MYO6: variants seen among roughly 807,000 people sequenced by gnomAD.
MYO6 encodes myosin VI.
Under a neutral mutation model 178.7 loss-of-function variants are expected in MYO6, and 74 were observed. The ratio of observed to expected loss-of-function variants is 0.41; its 90% CI spans 0.34 to 0.50. The LOEUF is 0.50. MYO6 is among the 20% of genes least tolerant of loss of function. The pLI is 0.09. For synonymous variants in MYO6, 477 were observed against 504.6 expected (o/e 0.95, Z 0.73); for missense variants, 1,330 against 1,547.4 (o/e 0.86, Z 2.36).
At chr6:75,759,258 T>C (rs1777744355) in intron 1 of MYO6, among the ~76,000 whole-genome samples, 1 of 152,170 alleles carries the variant, frequency 6.6e-6, no homozygotes, top group African/African-American at 2.4e-5. Context: ...ATAATCAGAC[T>C]TGGCATTGTT....
intron 22 of MYO6, 122 bp from the exon 23 acceptor site, chr6:75,881,567 A>C (rs536408347): frequency 1.0e-6 from 1 of 956,532 alleles, no homozygotes; most frequent in Admixed American, 2.0e-5. Context: ...AGGCCTATGT[A>C]ATTGACATGT....
At chr6:75,777,075 C>T (rs950681339) in intron 1 of MYO6, among the ~76,000 whole-genome samples, 3 of 151,992 alleles carry the variant, frequency 2.0e-5, no homozygotes, top group Non-Finnish European at 4.4e-5. Flanking sequence ...TTGGTGTGTA[C>T]TAAGAAATAC....
At chr6:75,754,952 G>C (rs1268810406) in intron 1 of MYO6, among the ~76,000 whole-genome samples, 1 of 152,172 alleles carries the variant, frequency 6.6e-6, no homozygotes, top group Non-Finnish European at 1.5e-5. Flanking sequence ...AATACTGGCT[G>C]CATGTGGTGG....
In MYO6 at chr6:75,914,026, G is replaced by A. The variant is rs757275526; in HGVS notation, c.3440-37G>A. On this transcript the variant is annotated intron_variant, in intron 33 of 34. Transcript: ENST00000369977. Reference sequence around the variant, plus strand: ...ATTAAAGGCTCTTTTCTTTTCCCTTGAGCTGCTGGTATAACTTTCCTTGTT... The same window carrying A: ...ATTAAAGGCTCTTTTCTTTTCCCTTAAGCTGCTGGTATAACTTTCCTTGTT... The A allele has an allele frequency of 5.0e-6, 8 of 1,599,618 alleles. No individual in the cohort carries two copies. The South Asian group carries it at 8.8e-5, about 18-fold the overall frequency.
intron 24 of MYO6, 37 bp downstream of exon 24, chr6:75,886,131 C>G: frequency 7.3e-7 from 1 of 1,360,810 alleles, no homozygotes; most frequent in Non-Finnish European, 1.0e-6. Flanking sequence ...CTCTACAAAA[C>G]CTAGTTACTG....
chr6:75,905,437 C>T lies in MYO6; in HGVS notation c.3177-2168C>T, dbSNP rs117397585. Among the ~76,000 whole-genome samples the T allele has an allele frequency of 0.013, 1,992 of 152,326 alleles. 75 individuals carry two copies. In the East Asian group the frequency reaches 0.14, roughly 11 times the overall value. On this transcript the variant is annotated intron_variant, in intron 30 of 34. Transcript: ENST00000369977. ...TCTCCTGGTGCGCCATTTTTTTAAG[C>T]CCGTCGGAAAAGCGCAGTATTCGGG...
intron 1 of MYO6, among the ~76,000 whole-genome samples, chr6:75,805,380 G>A (rs1035279916): frequency 5.3e-5 from 8 of 152,114 alleles, no homozygotes; most frequent in Admixed American, 2.6e-4. Context: ...CATGTTTTGT[G>A]ATATGAATCT....
In MYO6 at chr6:75,914,145, A is replaced by G; in HGVS notation, c.3522A>G (p.Pro1174=). 1.4e-5 allele frequency: 22 copies of G among 1,614,136 alleles called. No individual in the cohort carries two copies. The highest frequency in any genetic ancestry group is 1.9e-5 in the Non-Finnish European group (22 of 1,180,022). The change falls in exon 34 of 35, where the codon CCA becomes CCG. Residue 1174 remains proline, a synonymous_variant. Transcript: ENST00000369977. ...MNRQQRFFRI[P]FIRPADQYKD... ...GACAGCAACGCTTCTTCCGCATCCC[A>G]TTCATCCGCCCTGCCGACCAGTACA...
intron 28 of MYO6, chr6:75,894,857 A>C (rs753730252): frequency 5.6e-6 from 8 of 1,436,318 alleles, no homozygotes; most frequent in Non-Finnish European, 7.6e-6. Context: ...ATTGTTTTCT[A>C]TGTATGTCAT....
intron 30 of MYO6, among the ~76,000 whole-genome samples, 170 bp downstream of exon 30, chr6:75,898,581 A>G (rs1414323693): frequency 6.6e-5 from 10 of 152,156 alleles, no homozygotes; most frequent in Non-Finnish European, 1.3e-4. Flanking sequence ...CCACCCAACA[A>G]AGAAAAAGTT....
intron 1 of MYO6, among the ~76,000 whole-genome samples, chr6:75,785,031 T>C (rs977282913): frequency 1.3e-5 from 2 of 152,226 alleles, no homozygotes; most frequent in African/African-American, 4.8e-5. Flanking sequence ...TATAGTGTTT[T>C]TAATTAAGTA....
intron 25 of MYO6, among the ~76,000 whole-genome samples, chr6:75,887,910 C>T (rs1156528256): frequency 7.3e-5 from 11 of 151,424 alleles, no homozygotes; most frequent in African/African-American, 2.2e-4. Flanking sequence ...ACCGGGGGGG[C>T]GGAGCTTGCA....
intron 1 of MYO6, among the ~76,000 whole-genome samples, chr6:75,756,466 G>A (rs1025156800): frequency 1.3e-5 from 2 of 152,060 alleles, no homozygotes; most frequent in African/African-American, 2.4e-5. Context: ...CTGAGTAGCC[G>A]GGATTACAGG....
At chr6:75,778,596 CAA>C (rs760998259) in intron 1 of MYO6, among the ~76,000 whole-genome samples, 3 of 110,652 alleles carry the variant, frequency 2.7e-5, no homozygotes, top group Non-Finnish European at 3.8e-5. Flanking sequence ...GACTCCGTCT[CAA>C]AAAAAAAAAA....
chr6:75,766,032 A>T (rs142788446), intron 1 of MYO6, among the ~76,000 whole-genome samples: 3 of 152,204 alleles, frequency 2.0e-5, no homozygotes, highest in Middle Eastern at 3.4e-3. Context: ...CGTCTCAAAG[A>T]AAAAAGCAGG....
intron 1 of MYO6, among the ~76,000 whole-genome samples, chr6:75,764,559 T>G (rs1445555837): frequency 6.6e-6 from 1 of 152,170 alleles, no homozygotes; most frequent in Non-Finnish European, 1.5e-5. Context: ...CTACCTAGAT[T>G]GTGAATTACT....
intron 11 of MYO6, among the ~76,000 whole-genome samples, chr6:75,852,722 A>G (rs1775390701): frequency 6.6e-6 from 1 of 152,242 alleles, no homozygotes; most frequent in Admixed American, 6.5e-5. Context: ...TTGTATGGAT[A>G]TACTACATTG....
chr6:75,857,051 G>A, intron 12 of MYO6, 46 bp from the exon 13 acceptor site: 2 of 1,588,236 alleles, frequency 1.3e-6, no homozygotes, highest in Non-Finnish European at 1.7e-6. Context: ...CATTTTCACA[G>A]TGCACTATTA....
At chr6:75,827,455 A>G (rs1772598685) in intron 3 of MYO6, among the ~76,000 whole-genome samples, 1 of 152,214 alleles carries the variant, frequency 6.6e-6, no homozygotes, top group South Asian at 2.1e-4. Flanking sequence ...AGGTTTATTA[A>G]GAGCTCTGAT....
Sources: allele counts gnomAD v4.1 joint callset (sites outside exome capture counted in the v4.1 genomes callset), GRCh38; gene constraint gnomAD v4.1.1; transcripts MANE v1.5; gene names NCBI Gene and HGNC (gene_info 2026-07-23, HGNC 2026-07-21).